Variants in TAB2 observed in about 807,000 individuals in gnomAD.
TAB2 encodes the protein TGF-beta activated kinase 1 (MAP3K7) binding protein 2, also known as TGF-beta-activated kinase 1 and MAP3K7-binding protein 2.
A neutral mutation model predicts 65.0 loss-of-function variants in TAB2; 3 were observed. The ratio of observed to expected loss-of-function variants is 0.05; its 90% confidence interval spans 0.02 to 0.12. The LOEUF (loss-of-function observed/expected upper bound fraction) is 0.12. TAB2 is among the 10% of genes least tolerant of loss of function. The probability of loss-of-function intolerance (pLI) is 1.00; values close to 1 mark genes in which losing one functional copy is unlikely to be tolerated. For missense variants in TAB2, 623 were observed against 840.3 expected (o/e 0.74, Z 3.20); for synonymous variants, 298 against 285.1 (o/e 1.05, Z -0.46).
At chr6:149,380,550 C>A (rs1461894775) in intron 3 of TAB2, among the ~76,000 whole-genome samples, 1 of 152,030 alleles carries the variant, frequency 6.6e-6, no homozygotes, top group African/African-American at 2.4e-5. Context: ...TTTTATCTAA[C>A]CTCTTAAGTT....
intron 3 of TAB2, among the ~76,000 whole-genome samples, chr6:149,393,328 GA>G (rs1782057393): frequency 6.6e-6 from 1 of 152,104 alleles, no homozygotes; most frequent in Admixed American, 6.5e-5. Flanking sequence ...TTTTACTTTA[GA>G]GCTTCAGACT....
intron 1 of TAB2, among the ~76,000 whole-genome samples, chr6:149,237,439 C>G (rs1196354323): frequency 6.6e-6 from 1 of 152,162 alleles, no homozygotes; most frequent in Admixed American, 6.5e-5. Context: ...GCCTCCTCAC[C>G]CTGAGAGGCA....
chr6:149,353,882 G>T (rs1372254246), intron 1 of TAB2, among the ~76,000 whole-genome samples: 2 of 152,024 alleles, frequency 1.3e-5, no homozygotes, highest in Non-Finnish European at 2.9e-5. Context: ...ATATATATTT[G>T]TGTATTTGTG....
chr6:149,320,875 A>T (rs1476795362), intron 1 of TAB2, among the ~76,000 whole-genome samples: 1 of 152,232 alleles, frequency 6.6e-6, no homozygotes, highest in Non-Finnish European at 1.5e-5. Context: ...CATGACCCAG[A>T]GAACACTAGT....
intron 1 of TAB2, among the ~76,000 whole-genome samples, chr6:149,367,950 A>G (rs992246099): frequency 7.9e-5 from 12 of 152,172 alleles, no homozygotes; most frequent in African/African-American, 2.7e-4. Flanking sequence ...CCAGTTGGAT[A>G]TGTTAGTCTC....
At chr6:149,250,176 G>T (rs1048147086) in intron 1 of TAB2, among the ~76,000 whole-genome samples, 1 of 152,106 alleles carries the variant, frequency 6.6e-6, no homozygotes, top group Non-Finnish European at 1.5e-5. Context: ...TCTTGAAACA[G>T]CACAGAATAG....
At chr6:149,302,518 G>A (rs1304263284) in intron 1 of TAB2, among the ~76,000 whole-genome samples, 1 of 152,156 alleles carries the variant, frequency 6.6e-6, no homozygotes, top group African/African-American at 2.4e-5. Flanking sequence ...CCGAAAATCT[G>A]TCTCTGCATT....
chr6:149,298,638 T>C (rs1161686160), intron 1 of TAB2, among the ~76,000 whole-genome samples: 1 of 152,190 alleles, frequency 6.6e-6, no homozygotes, highest in Non-Finnish European at 1.5e-5. Flanking sequence ...CACTATTTAC[T>C]ACACCTGTAA....
chr6:149,309,460 A>G (rs532563), intron 1 of TAB2, among the ~76,000 whole-genome samples: 66,647 of 150,054 alleles, frequency 0.44, 15,256 homozygotes, highest in African/African-American at 0.58. Context: ...GCAGTGGCAC[A>G]ATCTCCGCTC....
At chr6:149,315,574 A>C (rs535982258), upstream of TAB2, among the ~76,000 whole-genome samples, 2 of 152,204 alleles carry the variant, frequency 1.3e-5, no homozygotes, top group Non-Finnish European at 2.9e-5. Flanking sequence ...CAATTTCGCC[A>C]ATTATCCCAA....
At chr6:149,274,625 C>T (rs1778420971) in intron 1 of TAB2, among the ~76,000 whole-genome samples, 1 of 152,086 alleles carries the variant, frequency 6.6e-6, no homozygotes, top group Admixed American at 6.6e-5. Flanking sequence ...TACTCATTGT[C>T]CTGGAGGAAA....
intron 1 of TAB2, among the ~76,000 whole-genome samples, chr6:149,275,286 A>AAGAG (rs1325836203): frequency 6.8e-6 from 1 of 146,624 alleles, no homozygotes; most frequent in Non-Finnish European, 1.5e-5. Flanking sequence ...GAAAGAAAGA[A>AAGAG]AGAAAGAAAG....
chr6:149,341,115 T>A (rs1780109501), intron 1 of TAB2, among the ~76,000 whole-genome samples: 1 of 152,172 alleles, frequency 6.6e-6, no homozygotes, highest in South Asian at 2.1e-4. Context: ...ATACCGGATC[T>A]ATATATAACT....
At chr6:149,373,304 A>G (rs575243159) in intron 2 of TAB2, among the ~76,000 whole-genome samples, 2 of 152,250 alleles carry the variant, frequency 1.3e-5, no homozygotes, top group Admixed American at 1.3e-4. Context: ...TGAATCTGTA[A>G]GTTTAAAATT....
chr6:149,236,197 A>G (rs1055303486), intron 1 of TAB2, among the ~76,000 whole-genome samples: 1 of 152,182 alleles, frequency 6.6e-6, no homozygotes, highest in African/African-American at 2.4e-5. Context: ...CAATATACGC[A>G]TGCAAGAAAT....
intron 1 of TAB2, among the ~76,000 whole-genome samples, chr6:149,345,697 T>C (rs1780271659): frequency 6.6e-6 from 1 of 152,178 alleles, no homozygotes; most frequent in Non-Finnish European, 1.5e-5. Flanking sequence ...TATAAAAATA[T>C]CTGTTTAAAA....
intron 6 of TAB2, chr6:149,400,281 T>A: frequency 8.1e-7 from 1 of 1,231,290 alleles, no homozygotes; most frequent in South Asian, 1.5e-5. Flanking sequence ...ACCCTCTCCC[T>A]CATCCACCGC....
At chr6:149,274,002 T>G (rs1225788840) in intron 1 of TAB2, among the ~76,000 whole-genome samples, 1 of 152,234 alleles carries the variant, frequency 6.6e-6, no homozygotes, top group Non-Finnish European at 1.5e-5. Flanking sequence ...TGGAAAGCAG[T>G]GATTAGCGAA....
rs1367597812 is a variant in TAB2, at chr6:149,407,162, G to A, written c.1940-2415G>A. The stretch of plus-strand genomic sequence containing the variant: ...TTGACACAGTAAGCAAATGTTCAGA[G>A]ACTAGATGCTATTTGGATGTTAATT... On this transcript the variant is annotated intron_variant, in intron 6 of 6. Coordinates refer to ENST00000637181, the MANE Select transcript of TAB2 (RefSeq NM_001292034.3). Among the ~76,000 whole-genome samples the A allele has an allele frequency of 3.3e-5, 5 of 152,230 alleles. No individual in the cohort carries two copies. The East Asian group carries it at 9.6e-4, about 29-fold the overall frequency.
Sources: allele counts gnomAD v4.1 joint callset (sites outside exome capture counted in the v4.1 genomes callset), GRCh38; gene constraint gnomAD v4.1.1; transcripts MANE v1.5; gene names NCBI Gene and HGNC (gene_info 2026-07-23, HGNC 2026-07-21).